EMP1: variants seen among roughly 807,000 people sequenced by gnomAD.
EMP1 encodes the protein epithelial membrane protein 1, also known as tumor-associated membrane protein.
A neutral mutation model predicts 15.7 loss-of-function variants in EMP1; 5 were observed. The observed-to-expected ratio is 0.32, with a 90% confidence interval of 0.17 to 0.67. The LOEUF (loss-of-function observed/expected upper bound fraction) is 0.67, where lower values mean the gene tolerates loss of function less well. Among genes scored for constraint, EMP1 ranks in the 30% least tolerant of loss-of-function variants. The pLI, the probability that EMP1 is intolerant of heterozygous loss-of-function variation, is 0.74. For synonymous variants in EMP1, 78 were observed against 76.7 expected (o/e 1.02, Z -0.09); for missense variants, 166 against 194.2 (o/e 0.85, Z 0.86).
intron 1 of EMP1, among the ~76,000 whole-genome samples, chr12:13,208,787 T>G (rs1195060374): frequency 1.3e-5 from 2 of 152,180 alleles, no homozygotes; most frequent in Admixed American, 1.3e-4. Flanking sequence ...GCTCTTTTGC[T>G]TGATTCTCAC....
intron 1 of EMP1, among the ~76,000 whole-genome samples, chr12:13,207,919 G>C (rs1664687516): frequency 6.6e-6 from 1 of 152,176 alleles, no homozygotes; most frequent in South Asian, 2.1e-4. Flanking sequence ...CTACAACTTT[G>C]GAACTGCTCA....
Position 13,214,770 on chromosome 12 carries a change from A to G in EMP1, c.*79A>G, listed in dbSNP as rs546311653. 21 of 576,840 alleles carry G rather than the reference A, an allele frequency of 3.6e-5. No homozygotes were observed. In the African/African-American group the frequency reaches 4.2e-4, roughly 12 times the overall value. 35.7% of individuals were successfully genotyped at this position (576,840 alleles called of 1,614,324 possible). ...CTGGGAGGGAAGTGGAGGTTGCTGT[A>G]CAGGAAAAACCGAGATAGGGGAGGG... On this transcript the variant is annotated 3_prime_UTR_variant, in exon 5 of 5. Transcript: ENST00000256951.
chr12:13,203,508 A>C (rs1394691164), intron 1 of EMP1, among the ~76,000 whole-genome samples: 1 of 152,256 alleles, frequency 6.6e-6, no homozygotes, highest in African/African-American at 2.4e-5. Flanking sequence ...AGCATTTGCA[A>C]AAACAATATT....
Position 13,216,251 on chromosome 12 carries a change from T to C in EMP1, c.*1560T>C. 1 of 622,182 alleles carries C rather than the reference T, an allele frequency of 1.6e-6. No individual in the cohort carries two copies. The highest frequency in any genetic ancestry group is 2.9e-6 in the Non-Finnish European group (1 of 349,928). The allele number at this position is 622,182 out of a possible 1,614,324, so 38.5% of individuals were successfully genotyped here. On this transcript the variant is annotated 3_prime_UTR_variant, in exon 5 of 5. Coordinates refer to ENST00000256951, the MANE Select transcript of EMP1 (RefSeq NM_001423.3). ...ATCTTGCCTACTTTTCTTTATTAGCTTTCTCCTCATCCATTTCTTTTATAC... is the reference window on the plus strand; with the variant it reads ...ATCTTGCCTACTTTTCTTTATTAGCCTTCTCCTCATCCATTTCTTTTATAC...
intron 1 of EMP1, among the ~76,000 whole-genome samples, chr12:13,197,930 G>C (rs1468091483): frequency 2.0e-5 from 3 of 152,190 alleles, no homozygotes; most frequent in Non-Finnish European, 4.4e-5. Flanking sequence ...CTCTTGGCCA[G>C]ATGTGGAGGG....
chr12:13,215,786 G>T lies in EMP1; in HGVS notation c.*1095G>T, dbSNP rs1050032036. 6.5e-6 allele frequency: 1 copy of T among 153,462 alleles called. No homozygotes were observed. The highest frequency in any genetic ancestry group is 2.4e-5 in the African/African-American group (1 of 41,412). 9.5% of individuals were successfully genotyped at this position (153,462 alleles called of 1,614,324 possible). On this transcript the variant is annotated 3_prime_UTR_variant, in exon 5 of 5. Coordinates refer to ENST00000256951, the MANE Select transcript of EMP1 (RefSeq NM_001423.3). ...CCTGCCTATCCCACTTCACAGGTGAGGCATGGCAATTCTGGAAGCTGATTA... is the reference window on the plus strand; with the variant it reads ...CCTGCCTATCCCACTTCACAGGTGATGCATGGCAATTCTGGAAGCTGATTA...
Position 13,214,616 on chromosome 12 carries a change from C to T in EMP1, c.399C>T (p.Ser133=). ...GAACGCAGTATCACCACGGCTATTC[C>T]TACATCCTGGGCTGGATCTGCTTCT... is the stretch of plus-strand genomic sequence containing the variant. ...RDGTQYHHGY[S]YILGWICFCF... Residue 133 remains serine (S), a synonymous_variant, in exon 5 of 5, where the codon TCC becomes TCT. Transcript: ENST00000256951. The T allele has an allele frequency of 6.2e-7, 1 of 1,613,958 alleles. No homozygotes were observed. The highest frequency in any genetic ancestry group is 8.5e-7 in the Non-Finnish European group (1 of 1,180,000).
At chr12:13,202,871 G>A (rs1464917748) in intron 1 of EMP1, among the ~76,000 whole-genome samples, 1 of 152,146 alleles carries the variant, frequency 6.6e-6, no homozygotes, top group African/African-American at 2.4e-5. Flanking sequence ...CAAACCCTAA[G>A]CCAAGAGACA....
chr12:13,209,853 G>A (rs1245245957), intron 1 of EMP1, among the ~76,000 whole-genome samples: 1 of 152,172 alleles, frequency 6.6e-6, no homozygotes, highest in Non-Finnish European at 1.5e-5. Flanking sequence ...ATTACTAATA[G>A]CAGACATGAA....
At chr12:13,207,840 T>C (rs1343828682) in intron 1 of EMP1, among the ~76,000 whole-genome samples, 5 of 152,124 alleles carry the variant, frequency 3.3e-5, no homozygotes, top group Non-Finnish European at 5.9e-5. Flanking sequence ...ATGCAATGAA[T>C]TGATAAGCTC....
chr12:13,200,708 C>A (rs888174314), intron 1 of EMP1, among the ~76,000 whole-genome samples: 3 of 152,206 alleles, frequency 2.0e-5, no homozygotes, highest in African/African-American at 7.2e-5. Flanking sequence ...TTCACTGATA[C>A]TAAAGCAGAA....
Position 13,204,512 on chromosome 12 carries a change from A to T in EMP1, c.-42-6957A>T, listed in dbSNP as rs1864092958. On this transcript the variant is annotated intron_variant, in intron 1 of 4. Transcript: ENST00000256951. ...ATCCTTCATGGGAAACAAACACATC[A>T]AAACCAAACCAACAAAAGCAAAATG... Among the ~76,000 whole-genome samples the T allele has an allele frequency of 2.0e-5, 3 of 152,200 alleles. No individual in the cohort carries two copies. The South Asian group carries it at 6.2e-4, about 31-fold the overall frequency.
chr12:13,201,919 T>C (rs955484625), intron 1 of EMP1, among the ~76,000 whole-genome samples: 2 of 148,498 alleles, frequency 1.3e-5, no homozygotes, highest in Non-Finnish European at 3.0e-5. Context: ...CATGAAGGTG[T>C]GGTGTACAGG....
rs1398934253 is a variant in EMP1, at chr12:13,215,468, A to C, written c.*777A>C. On this transcript the variant is annotated 3_prime_UTR_variant, in exon 5 of 5. Transcript: ENST00000256951. ...CTTCTGGAGTTTCTCTAAAGTCACT[A>C]GTGAACAATTCGGTGGTAAAAGTAC... The C allele has an allele frequency of 6.6e-6, 1 of 152,278 alleles. No homozygotes were observed. Among genetic ancestry groups the C allele is most frequent in the African/African-American group, 2.4e-5 (1 of 41,464 alleles). The allele number at this position is 152,278 out of a possible 1,614,324, so 9.4% of individuals were successfully genotyped here.
intron 1 of EMP1, among the ~76,000 whole-genome samples, chr12:13,198,948 C>T (rs539711043): frequency 6.6e-6 from 1 of 151,860 alleles, no homozygotes; most frequent in Non-Finnish European, 1.5e-5. Flanking sequence ...GTTATTTTTC[C>T]CCCCCACTCT....
In EMP1 at chr12:13,216,587, A is replaced by G. The variant is rs1864217945; in HGVS notation, c.*1896A>G. ...GAACTATGACTGGAGTAAACCATGT[A>G]TTCCCTTATCTTTTACTTTTTTTCT... On this transcript the variant is annotated 3_prime_UTR_variant, in exon 5 of 5. Transcript: ENST00000256951. 1 of 628,584 alleles carries G rather than the reference A, an allele frequency of 1.6e-6. No individual in the cohort carries two copies. Among genetic ancestry groups the G allele is most frequent in the Middle Eastern group, 2.7e-4 (1 of 3,736 alleles). The allele number at this position is 628,584 out of a possible 1,614,324, so 38.9% of individuals were successfully genotyped here.
At chr12:13,203,466 G>A (rs1450596966) in intron 1 of EMP1, among the ~76,000 whole-genome samples, 2 of 152,224 alleles carry the variant, frequency 1.3e-5, no homozygotes, top group East Asian at 1.9e-4. Flanking sequence ...GAGGACAAGC[G>A]GAAATAAGAG....
chr12:13,208,316 G>T (rs960900269), intron 1 of EMP1, among the ~76,000 whole-genome samples: 2 of 152,180 alleles, frequency 1.3e-5, no homozygotes, highest in African/African-American at 4.8e-5. Context: ...TCTGCTATTT[G>T]ATAAATGCCC....
rs1864195772 is a variant in EMP1 at position 13,214,550 on chromosome 12, G to A, written c.333G>A (p.Val111=). The A allele has an allele frequency of 1.2e-6, 2 of 1,613,836 alleles. No individual in the cohort carries two copies. Among genetic ancestry groups the A allele is most frequent in the African/African-American group, 1.3e-5 (1 of 74,854 alleles). ...TTLVCWLCIL[V]GVSIYTSHYA... ...CCCCTGCAGGGCTGTGCATTCTTGT[G>A]GGGGTGTCCATCTACACTAGTCATT... Residue 111 remains valine (V), a synonymous_variant, in exon 5 of 5, where the codon GTG becomes GTA. Transcript: ENST00000256951.
Sources: allele counts gnomAD v4.1 joint callset (sites outside exome capture counted in the v4.1 genomes callset), GRCh38; gene constraint gnomAD v4.1.1; transcripts MANE v1.5; gene names NCBI Gene and HGNC (gene_info 2026-07-23, HGNC 2026-07-21).